The following SAMD8 variants were observed in gnomAD, a reference collection of about 807,000 sequenced individuals.
The protein encoded by SAMD8 is sterile alpha motif domain containing 8, also known as sphingomyelin synthase-related protein 1.
A neutral mutation model predicts 42.0 loss-of-function variants in SAMD8; 20 were observed. That is an observed-to-expected ratio of 0.48 (90% CI 0.34 to 0.69). The LOEUF (loss-of-function observed/expected upper bound fraction) is 0.69. SAMD8 is among the 30% of genes least tolerant of loss of function. The pLI is 0.01. For synonymous variants in SAMD8, 162 were observed against 173.0 expected (o/e 0.94, Z 0.50); for missense variants, 328 against 511.6 (o/e 0.64, Z 3.46).
Position 75,176,122 on chromosome 10 carries a change from T to C in SAMD8, c.849T>C (p.Phe283=). ...LHRAFAIWSG[F]GMTLTGVHTC... ...GAGCCTTTGCCATTTGGAGTGGCTTTGGTATGACCCTGACTGGCGTTCACA... is the reference window on the plus strand; with the variant it reads ...GAGCCTTTGCCATTTGGAGTGGCTTCGGTATGACCCTGACTGGCGTTCACA... The change falls in exon 5 of 6, where the codon TTT becomes TTC. Residue 283 remains phenylalanine, a synonymous_variant. Transcript: ENST00000542569. The surrounding 1 kb of genome is among the most constrained non-coding windows in gnomAD (Gnocchi z 4.3). The C allele has an allele frequency of 6.2e-7, 1 of 1,614,254 alleles. No homozygotes were observed. Among genetic ancestry groups the C allele is most frequent in the Non-Finnish European group, 8.5e-7 (1 of 1,180,040 alleles).
chr10:75,144,959 A>G (rs1373073175), intron 1 of SAMD8, among the ~76,000 whole-genome samples: 3 of 152,138 alleles, frequency 2.0e-5, no homozygotes, highest in Admixed American at 6.5e-5. Context: ...AATTGTTTCT[A>G]TTGTTACTTA....
chr10:75,165,120 G>T (rs185654410), intron 3 of SAMD8, among the ~76,000 whole-genome samples: 1 of 151,798 alleles, frequency 6.6e-6, no homozygotes, highest in Admixed American at 6.6e-5. Context: ...GAGAAATCCC[G>T]TCTCTACTAA....
intron 2 of SAMD8, among the ~76,000 whole-genome samples, chr10:75,156,237 A>G (rs771890418): frequency 2.0e-5 from 3 of 149,444 alleles, no homozygotes; most frequent in Non-Finnish European, 4.4e-5. Flanking sequence ...AAGTAAACAA[A>G]TAAATACATA....
At chr10:75,120,653 T>A (rs1160588212) in intron 1 of SAMD8, among the ~76,000 whole-genome samples, 5 of 152,212 alleles carry the variant, frequency 3.3e-5, no homozygotes, top group African/African-American at 1.2e-4. Flanking sequence ...TAAGTCGTTA[T>A]ATGAGCAGTG....
At chr10:75,102,027 C>G in intron 1 of SAMD8, 1 of 1,234,062 alleles carries the variant, frequency 8.1e-7, no homozygotes, top group Non-Finnish European at 1.1e-6. Flanking sequence ...CCTCCCCTGC[C>G]ACTCCCAACT....
intron 1 of SAMD8, chr10:75,105,521 G>A (rs1848437531): frequency 2.3e-6 from 2 of 860,342 alleles, no homozygotes; most frequent in African/African-American, 3.4e-5. Flanking sequence ...GAGAGGGCCA[G>A]GCCCCCTTTA....
intron 4 of SAMD8, among the ~76,000 whole-genome samples, chr10:75,171,160 C>CTTTTTTTTTTTTTTTTTTTTTTTTTTTT (rs1003923090): frequency 8.8e-5 from 6 of 68,514 alleles, no homozygotes; most frequent in African/African-American, 1.7e-4. Flanking sequence ...CTTTCTTTTT[C>CTTTTTTTTTTTTTTTTTTTTTTTTTTTT]TTTTTTTTTT....
At chr10:75,119,164 T>C (rs1020703305) in intron 1 of SAMD8, among the ~76,000 whole-genome samples, 9 of 152,186 alleles carry the variant, frequency 5.9e-5, no homozygotes, top group Non-Finnish European at 1.3e-4. Flanking sequence ...TTTGTTTTTT[T>C]TTTTTAATTT....
At chr10:75,106,934 T>C (rs1428314027), upstream of SAMD8, among the ~76,000 whole-genome samples, 1 of 152,200 alleles carries the variant, frequency 6.6e-6, no homozygotes, top group Non-Finnish European at 1.5e-5. Flanking sequence ...GGTCACACAG[T>C]GAGGGACACA....
intron 1 of SAMD8, among the ~76,000 whole-genome samples, chr10:75,143,347 G>A (rs1451382164): frequency 6.6e-6 from 1 of 152,100 alleles, no homozygotes; most frequent in African/African-American, 2.4e-5. Flanking sequence ...AAGAAAAAAT[G>A]TATATATTTA....
chr10:75,176,849 G>T lies in SAMD8; in HGVS notation c.*157G>T. On this transcript the variant is annotated 3_prime_UTR_variant, in exon 6 of 6. Transcript: ENST00000542569. This position sits in a 1 kb window ranked among gnomAD's most constrained non-coding sequence, Gnocchi z 4.3. The stretch of plus-strand genomic sequence containing the variant: ...GCAAAGTTATGATTATAAAAAGCAA[G>T]AAAGAACAATCAAGAGTCCTTATGT... The T allele has an allele frequency of 3.3e-6, 2 of 607,552 alleles. No homozygotes were observed. The highest frequency in any genetic ancestry group is 2.3e-5 in the South Asian group (1 of 43,648). 37.6% of individuals were successfully genotyped at this position (607,552 alleles called of 1,614,324 possible).
upstream of SAMD8, chr10:75,109,128 C>A: frequency 6.2e-7 from 1 of 1,606,672 alleles, no homozygotes; most frequent in Non-Finnish European, 8.5e-7. Context: ...TGTCCTCTCC[C>A]CCCAGCTCTG....
At chr10:75,113,330 A>G (rs1352462701) in intron 1 of SAMD8, among the ~76,000 whole-genome samples, 1 of 151,852 alleles carries the variant, frequency 6.6e-6, no homozygotes, top group African/African-American at 2.4e-5. Context: ...TTATGTGATT[A>G]TAGGTTTGTA....
chr10:75,105,846 C>T (rs1219016492), intron 1 of SAMD8: 1 of 1,550,462 alleles, frequency 6.4e-7, no homozygotes, highest in South Asian at 1.2e-5. Context: ...TCACGCCCAC[C>T]ACACAGTGCA....
chr10:75,161,361 T>C (rs1433050255), intron 2 of SAMD8, among the ~76,000 whole-genome samples: 1 of 151,942 alleles, frequency 6.6e-6, no homozygotes, highest in Non-Finnish European at 1.5e-5. Context: ...AGAAAAACAA[T>C]GTAAATAGCT....
chr10:75,105,908 C>T (rs371878682), intron 1 of SAMD8: 43 of 1,530,646 alleles, frequency 2.8e-5, no homozygotes, highest in Admixed American at 3.9e-5. Context: ...GTCCCACACA[C>T]CGGCCCACCC....
chr10:75,109,525 C>A (rs1045240990), upstream of SAMD8, among the ~76,000 whole-genome samples: 4 of 152,150 alleles, frequency 2.6e-5, no homozygotes, highest in African/African-American at 7.2e-5. Flanking sequence ...AGATGTAGAG[C>A]CCTGCCTAAG....
At chr10:75,163,926 C>A (rs1003351855) in intron 2 of SAMD8, among the ~76,000 whole-genome samples, 1 of 151,924 alleles carries the variant, frequency 6.6e-6, no homozygotes, top group Non-Finnish European at 1.5e-5. Context: ...AAACAAAAAA[C>A]AAAAACAAGG....
intron 1 of SAMD8, among the ~76,000 whole-genome samples, chr10:75,126,807 A>G (rs1436309872): frequency 1.3e-5 from 2 of 151,654 alleles, no homozygotes; most frequent in Non-Finnish European, 1.5e-5. Flanking sequence ...GCCGGATTGT[A>G]TCCTCAGTGC....
Sources: allele counts gnomAD v4.1 joint callset (sites outside exome capture counted in the v4.1 genomes callset), GRCh38; gene constraint gnomAD v4.1.1; non-coding constraint Gnocchi (gnomAD v3.1); transcripts MANE v1.5; gene names NCBI Gene and HGNC (gene_info 2026-07-23, HGNC 2026-07-21).